Variants in OR6P1 observed in about 807,000 individuals in gnomAD.
OR6P1 encodes the protein olfactory receptor 6P1.
OR6P1 carries 5 observed loss-of-function variants against 6.6 expected under a neutral mutation model. The ratio of observed to expected loss-of-function variants is 0.76; its 90% CI spans 0.40 to 1.60. The LOEUF (loss-of-function observed/expected upper bound fraction) is 1.60, where lower values mean the gene tolerates loss of function less well. Among genes scored for constraint, OR6P1 ranks in the 40% most tolerant of loss-of-function variants. The pLI is 0.02. For synonymous variants in OR6P1, 177 were observed against 149.6 expected (o/e 1.18, Z -1.33); for missense variants, 451 against 383.0 (o/e 1.18, Z -1.48).
intron 2 of OR6P1, among the ~76,000 whole-genome samples, chr1:158,565,996 C>G (rs1170744851): frequency 6.6e-6 from 1 of 152,148 alleles, no homozygotes; most frequent in Non-Finnish European, 1.5e-5. Flanking sequence ...AAATAGATTG[C>G]AAACCACTGA....
chr1:158,568,271 C>A (rs771714211), intron 1 of OR6P1, among the ~76,000 whole-genome samples: 2 of 152,146 alleles, frequency 1.3e-5, no homozygotes, highest in Non-Finnish European at 2.9e-5. Context: ...GCACTGTGCC[C>A]ACTGAACTCT....
At chr1:158,564,811 A>G (rs1571338606) in intron 2 of OR6P1, among the ~76,000 whole-genome samples, 1 of 152,238 alleles carries the variant, frequency 6.6e-6, no homozygotes, top group Non-Finnish European at 1.5e-5. Context: ...GTGAGGCAGG[A>G]AAATGAAAGA....
intron 1 of OR6P1, among the ~76,000 whole-genome samples, chr1:158,568,598 G>A (rs1190665826): frequency 6.6e-6 from 1 of 152,102 alleles, no homozygotes; most frequent in Non-Finnish European, 1.5e-5. Context: ...TGATATTGAT[G>A]CTATTGTACA....
At chr1:158,566,947 GA>G (rs1394088436) in intron 1 of OR6P1, 89 bp from the exon 2 acceptor site, 14 of 152,042 alleles carry the variant, frequency 9.2e-5, no homozygotes, top group East Asian at 5.8e-4. Flanking sequence ...AAATTTACAA[GA>G]AAAAAACAAA....
chr1:158,568,613 A>G (rs1217959283), intron 1 of OR6P1, among the ~76,000 whole-genome samples: 3 of 152,114 alleles, frequency 2.0e-5, no homozygotes, highest in Non-Finnish European at 4.4e-5. Flanking sequence ...TGTACAATTT[A>G]TCTTTTATTT....
At chr1:158,565,375 G>A (rs1648071722) in intron 2 of OR6P1, among the ~76,000 whole-genome samples, 1 of 152,052 alleles carries the variant, frequency 6.6e-6, no homozygotes, top group Non-Finnish European at 1.5e-5. Context: ...ACACAAATGA[G>A]CGTATCTTTT....
chr1:158,565,027 T>C (rs1280174750), intron 2 of OR6P1, among the ~76,000 whole-genome samples: 1 of 152,256 alleles, frequency 6.6e-6, no homozygotes, highest in Non-Finnish European at 1.5e-5. Flanking sequence ...AAAAATGATA[T>C]ACTAATTTGC....
In OR6P1 at chr1:158,561,328, C is replaced by G. The variant is rs535176575; in HGVS notation, c.*1323G>C. 2.2e-4 allele frequency: 33 copies of G among 152,154 alleles called. No homozygotes were observed. The highest frequency in any genetic ancestry group is 3.4e-3 in the Middle Eastern group (1 of 294). 9.4% of individuals were successfully genotyped at this position (152,154 alleles called of 1,614,324 possible). A position where few individuals can be genotyped will look rare whatever the true frequency, so the allele number is the denominator to read the frequency against. On this transcript the variant is annotated 3_prime_UTR_variant, in exon 3 of 3. Transcript: ENST00000641540. The stretch of plus-strand genomic sequence containing the variant: ...AGGCTATTTAGAAATTTTATGAAAA[C>G]AAAACAACTTAAACTGTTTTAAGTA...
intron 2 of OR6P1, among the ~76,000 whole-genome samples, chr1:158,565,203 A>G (rs921648473): frequency 1.3e-5 from 2 of 152,114 alleles, no homozygotes; most frequent in African/African-American, 4.8e-5. Flanking sequence ...TTTTTATCAG[A>G]CATTTATGTG....
At position 158,569,450 on chromosome 1, in the gene OR6P1, G is replaced by T. The variant is rs574707774; in HGVS notation, c.-118+992C>A. ...TGTGCATAGGTATATCCCACTCCCA[G>T]AGAAAACTACCTGTTTTGTTTTTCT... On this transcript the variant is annotated intron_variant, in intron 1 of 2. Coordinates refer to ENST00000641540, the MANE Select transcript of OR6P1 (RefSeq NM_001160325.2). Among the ~76,000 whole-genome samples the T allele has an allele frequency of 5.3e-5, 8 of 152,302 alleles. No individual in the cohort carries two copies. In the South Asian group the frequency reaches 1.7e-3, roughly 32 times the overall value.
At position 158,562,378 on chromosome 1, in the gene OR6P1, A is replaced by G. The variant is rs572174326; in HGVS notation, c.*273T>C. 3 of 405,910 alleles carry G rather than the reference A, an allele frequency of 7.4e-6. No homozygotes were observed. Among genetic ancestry groups the G allele is most frequent in the Non-Finnish European group, 1.3e-5 (3 of 224,088 alleles). The allele number at this position is 405,910 out of a possible 1,614,324, so 25.1% of individuals were successfully genotyped here. ...TTCACGGCAGGGTTACATTCCACAC[A>G]TACTCAGTAAGACTCTCCACATATT... On this transcript the variant is annotated 3_prime_UTR_variant, in exon 3 of 3. Transcript: ENST00000641540.
chr1:158,564,903 C>A (rs967181582), intron 2 of OR6P1, among the ~76,000 whole-genome samples: 2 of 152,072 alleles, frequency 1.3e-5, no homozygotes, highest in East Asian at 1.9e-4. Flanking sequence ...TCCAGGGAGA[C>A]CCTGGTAAAA....
At position 158,563,369 on chromosome 1, in the gene OR6P1, G is replaced by A. The variant is rs775243261; in HGVS notation, c.236C>T (p.Pro79Leu). 6.4e-7 allele frequency: 1 copy of A among 1,551,546 alleles called. No individual in the cohort carries two copies. ...LELWYINVTI[P>L]RLLAAFLTQD... is the part of the protein sequence containing the mutation. ...GGTAAGAAAGGCTGCCAAGAGCCGA[G>A]GAATGGTGACATTGATGTACCATAG... The change falls in exon 3 of 3, where the codon CCT (proline) becomes CTT (leucine). Residue 79 changes from proline (P) to leucine (L), a missense_variant. Physicochemically the swap from Pro to Leu is moderately conservative, Grantham distance 98 (BLOSUM62 -3). Transcript: ENST00000641540.
chr1:158,563,128 C>A lies in OR6P1; in HGVS notation c.477G>T (p.Lys159Asn). Reference sequence around the variant, plus strand: ...AGGACAATTGGGAAATAAAAAGAAGCTTCATCATGGAGCTGAAGAAGCCAC... The same window carrying A: ...AGGACAATTGGGAAATAAAAAGAAGATTCATCATGGAGCTGAAGAAGCCAC... ...WGSGFFSSMM[K>N]LLFISQLSYC... Residue 159 changes from lysine to asparagine, a missense_variant, in exon 3 of 3, where the codon AAG (lysine) becomes AAT (asparagine). By Grantham distance (94) the Lys-to-Asn change is moderately conservative. Transcript: ENST00000641540. The A allele has an allele frequency of 6.4e-7, 1 of 1,551,612 alleles. No individual in the cohort carries two copies.
chr1:158,566,247 C>T (rs1171869642), intron 2 of OR6P1, among the ~76,000 whole-genome samples: 2 of 152,160 alleles, frequency 1.3e-5, no homozygotes, highest in Non-Finnish European at 2.9e-5. Context: ...CTATTCTTGC[C>T]TGGACATTGG....
chr1:158,563,650 A>C, intron 2 of OR6P1, 24 bp from the exon 3 acceptor site: 1 of 1,277,926 alleles, frequency 7.8e-7, no homozygotes, highest in South Asian at 1.4e-5. Flanking sequence ...CAGGAAGAAC[A>C]AGAGGTTTGA....
chr1:158,565,624 T>C (rs1036280069), intron 2 of OR6P1, among the ~76,000 whole-genome samples: 2 of 152,148 alleles, frequency 1.3e-5, no homozygotes, highest in Admixed American at 6.5e-5. Context: ...TAAAAATACA[T>C]TGGACAAAAA....
intron 1 of OR6P1, among the ~76,000 whole-genome samples, chr1:158,567,086 A>G (rs1367445659): frequency 2.0e-5 from 3 of 151,646 alleles, no homozygotes; most frequent in African/African-American, 7.3e-5. Flanking sequence ...AATCAAAACC[A>G]CAATGAGATA....
chr1:158,563,040 A>G lies in OR6P1; in HGVS notation c.565T>C (p.Cys189Arg), dbSNP rs1200500136. 6 of 1,551,760 alleles carry G rather than the reference A, an allele frequency of 3.9e-6. No homozygotes were observed. In the Middle Eastern group the frequency reaches 5.0e-4, roughly 129 times the overall value. The change falls in exon 3 of 3, where the codon TGC (cysteine) becomes CGC (arginine). Residue 189 changes from cysteine to arginine, a missense_variant. Transcript: ENST00000641540. Reference protein sequence around the residue: ...CDISPLLNLTCSDKEQAELVD... With the variant: ...CDISPLLNLTRSDKEQAELVD... ...AGCTCTGCTTGCTCCTTGTCAGAGC[A>G]GGTGAGGTTGAGTAGTGGGGAAATA...
Sources: gnomAD v4.1 joint callset for allele counts (sites outside exome capture counted in the v4.1 genomes callset) on GRCh38, gnomAD v4.1.1 for gene constraint, MANE v1.5 for transcripts, NCBI Gene and HGNC (gene_info 2026-07-23, HGNC 2026-07-21) for gene names.